Variants in TPST1 observed in about 807,000 individuals in gnomAD.
TPST1 encodes protein-tyrosine sulfotransferase 1.
A neutral mutation model predicts 34.8 loss-of-function variants in TPST1; 20 were observed. The ratio of observed to expected loss-of-function variants is 0.57; its 90% CI spans 0.40 to 0.84. The LOEUF is 0.84. Among genes scored for constraint, TPST1 ranks in the 40% least tolerant of loss-of-function variants. TPST1 has a pLI of 0.00. For missense variants in TPST1, 353 were observed against 455.5 expected (o/e 0.78, Z 2.05); for synonymous variants, 152 against 159.4 (o/e 0.95, Z 0.35).
At chr7:66,276,364 T>TCATATATATATATATATATATATATATA (rs1554347632) in intron 2 of TPST1, among the ~76,000 whole-genome samples, 1 of 47,148 alleles carries the variant, frequency 2.1e-5, no homozygotes, top group Non-Finnish European at 4.1e-5. Context: ...TAAAAACATT[T>TCATATATATATATATATATATATATATA]CATATATATA....
At chr7:66,342,501 T>C (rs566981463) in intron 3 of TPST1, among the ~76,000 whole-genome samples, 1 of 152,306 alleles carries the variant, frequency 6.6e-6, no homozygotes, top group East Asian at 1.9e-4. Flanking sequence ...TGGAGGAAGA[T>C]GTGTTAGTCC....
At chr7:66,299,025 C>G (rs1013062067) in intron 3 of TPST1, among the ~76,000 whole-genome samples, 1 of 151,692 alleles carries the variant, frequency 6.6e-6, no homozygotes, top group African/African-American at 2.4e-5. Flanking sequence ...ACTTGGGAGG[C>G]TGAGGCAGGA....
At chr7:66,251,214 G>A (rs1473741603) in intron 2 of TPST1, among the ~76,000 whole-genome samples, 2 of 152,098 alleles carry the variant, frequency 1.3e-5, no homozygotes, top group South Asian at 2.1e-4. Context: ...TATATAATGA[G>A]AGGTTGAAAA....
rs138862941 is a variant in TPST1, at chr7:66,276,365, C to CATATATATATATATATATATAT, written c.846-10130_846-10129insATATATATATATATATATATAT. Among the ~76,000 whole-genome samples, 414 of 90,832 alleles carry CATATATATATATATATATATAT rather than the reference C, an allele frequency of 4.6e-3. 51 individuals are homozygous for CATATATATATATATATATATAT. Among genetic ancestry groups the CATATATATATATATATATATAT allele is most frequent in the African/African-American group, 0.018 (302 of 16,800 alleles). 59.6% of individuals were successfully genotyped at this position (90,832 alleles called of 152,430 possible). On this transcript the variant is annotated intron_variant, in intron 2 of 5. Coordinates refer to ENST00000304842, the MANE Select transcript of TPST1 (RefSeq NM_003596.4). ...TTCTTCTTAAATTTTAAAAACATTT[C>CATATATATATATATATATATAT]ATATATATATATATATGTATTTTTT...
rs1177457107 is a variant in TPST1, at chr7:66,293,078, C to T, written c.1044+6369C>T. ...AAAATTAGCCAGGCGTGGTGGTGGGCGCCTGTAGTCCCAGCTACTTGGGAG... is the reference window on the plus strand; with the variant it reads ...AAAATTAGCCAGGCGTGGTGGTGGGTGCCTGTAGTCCCAGCTACTTGGGAG... On this transcript the variant is annotated intron_variant, in intron 3 of 5. Coordinates refer to ENST00000304842, the MANE Select transcript of TPST1 (RefSeq NM_003596.4). 2.0e-5 allele frequency among the ~76,000 whole-genome samples: 3 copies of T among 151,876 alleles called. No homozygotes were observed. The East Asian group carries it at 5.8e-4, about 29-fold the overall frequency.
Position 66,360,076 on chromosome 7 carries a change from A to G in TPST1, c.*211A>G. 2.4e-6 allele frequency: 1 copy of G among 411,280 alleles called. No individual in the cohort carries two copies. Among genetic ancestry groups the G allele is most frequent in the South Asian group, 1.7e-5 (1 of 58,476 alleles). The allele number at this position is 411,280 out of a possible 1,614,324, so 25.5% of individuals were successfully genotyped here. ...TGAGGGATCTGCCTCCTGAGCAAAG[A>G]GCTCTTGATCCCGATTTCATGCACA... On this transcript the variant is annotated 3_prime_UTR_variant, in exon 6 of 6. Coordinates refer to ENST00000304842, the MANE Select transcript of TPST1 (RefSeq NM_003596.4).
chr7:66,352,495 G>C lies in TPST1; in HGVS notation c.1045-10G>C. On this transcript the variant is annotated splice_polypyrimidine_tract_variant and intron_variant, in intron 3 of 5. Transcript: ENST00000304842. ...GTTGCCTTAAACTCACGCCTGCTTT[G>C]TTTTTCCAGGTCTATAAGGGAGAAT... 1 of 1,611,354 alleles carries C rather than the reference G, an allele frequency of 6.2e-7. No homozygotes were observed. The highest frequency in any genetic ancestry group is 8.5e-7 in the Non-Finnish European group (1 of 1,179,460).
intron 4 of TPST1, among the ~76,000 whole-genome samples, chr7:66,354,564 G>A (rs937981131): frequency 6.8e-6 from 1 of 146,878 alleles, no homozygotes; most frequent in Admixed American, 6.8e-5. Flanking sequence ...CCAAAAGCCG[G>A]TTTGCATAAC....
intron 3 of TPST1, among the ~76,000 whole-genome samples, chr7:66,304,821 C>CTTTTTTTTTTTT (rs72110892): frequency 6.8e-6 from 1 of 146,582 alleles, no homozygotes; most frequent in Non-Finnish European, 1.5e-5. Context: ...TAGCCATTTC[C>CTTTTTTTTTTTT]TTTTTTTTTT....
At chr7:66,263,032 G>T (rs929766107) in intron 2 of TPST1, among the ~76,000 whole-genome samples, 1 of 151,970 alleles carries the variant, frequency 6.6e-6, no homozygotes, top group African/African-American at 2.4e-5. Flanking sequence ...CCTGAGTGGT[G>T]GAGGTTGCAG....
chr7:66,305,420 G>A (rs969625041), intron 3 of TPST1, among the ~76,000 whole-genome samples: 2 of 152,096 alleles, frequency 1.3e-5, no homozygotes, highest in African/African-American at 4.8e-5. Context: ...TGGCCATATT[G>A]TTTTGCTCTA....
At chr7:66,268,849 T>C (rs1790642451) in intron 2 of TPST1, among the ~76,000 whole-genome samples, 1 of 152,006 alleles carries the variant, frequency 6.6e-6, no homozygotes, top group Admixed American at 6.6e-5. Context: ...CCACCACGCC[T>C]AGCTAATTTT....
chr7:66,318,715 T>G (rs922668966), intron 3 of TPST1, among the ~76,000 whole-genome samples: 2 of 152,154 alleles, frequency 1.3e-5, no homozygotes, highest in African/African-American at 4.8e-5. Flanking sequence ...CTCGCCGCCT[T>G]GGCCTCTCAA....
intron 5 of TPST1, among the ~76,000 whole-genome samples, chr7:66,358,823 AACAC>A (rs1243890995): frequency 6.6e-6 from 1 of 152,178 alleles, no homozygotes; most frequent in Non-Finnish European, 1.5e-5. Context: ...CGCCCCACCA[AACAC>A]ACACAAGGCC....
intron 1 of TPST1, among the ~76,000 whole-genome samples, chr7:66,230,646 C>T (rs1443590012): frequency 4.6e-5 from 7 of 152,142 alleles, no homozygotes; most frequent in Non-Finnish European, 1.0e-4. Flanking sequence ...TGTTACAGCT[C>T]ATAAAAGCAG....
At chr7:66,264,006 G>A (rs769545186) in intron 2 of TPST1, among the ~76,000 whole-genome samples, 2 of 152,188 alleles carry the variant, frequency 1.3e-5, no homozygotes, top group Non-Finnish European at 2.9e-5. Context: ...AGCTGGGGCT[G>A]AAATAACAGC....
chr7:66,352,004 T>C (rs1792489404), intron 3 of TPST1, among the ~76,000 whole-genome samples: 1 of 152,234 alleles, frequency 6.6e-6, no homozygotes, highest in Non-Finnish European at 1.5e-5. Context: ...ATTTACGGTT[T>C]ATATCATTTT....
Position 66,328,430 on chromosome 7 carries a change from G to C in TPST1, c.1045-24075G>C, listed in dbSNP as rs544188043. Among the ~76,000 whole-genome samples, 6 of 152,286 alleles carry C rather than the reference G, an allele frequency of 3.9e-5. 1 individual carries two copies. In the South Asian group the frequency reaches 1.2e-3, roughly 32 times the overall value. ...TGCCCTGCAGCAGTAGAGCTGAGTA[G>C]TTGGAACAGAGACTGTGGTTCATAC... On this transcript the variant is annotated intron_variant, in intron 3 of 5. Coordinates refer to ENST00000304842, the MANE Select transcript of TPST1 (RefSeq NM_003596.4).
intron 3 of TPST1, among the ~76,000 whole-genome samples, chr7:66,334,725 C>T (rs1446555796): frequency 6.6e-6 from 1 of 151,750 alleles, no homozygotes; most frequent in African/African-American, 2.4e-5. Flanking sequence ...CCTGGGCCAA[C>T]AAAATTTTTT....
Sources: gnomAD v4.1 joint callset for allele counts (sites outside exome capture counted in the v4.1 genomes callset) on GRCh38, gnomAD v4.1.1 for gene constraint, MANE v1.5 for transcripts, NCBI Gene and HGNC (gene_info 2026-07-23, HGNC 2026-07-21) for gene names.